The following ZDHHC14 variants were observed in gnomAD, a reference collection of about 807,000 sequenced individuals.
ZDHHC14 encodes the protein palmitoyltransferase ZDHHC14.
Under a neutral mutation model 47.7 loss-of-function variants are expected in ZDHHC14, and 16 were observed. The ratio of observed to expected loss-of-function variants is 0.34; its 90% CI spans 0.23 to 0.51. The LOEUF is 0.51. Among genes scored for constraint, ZDHHC14 ranks in the 20% least tolerant of loss-of-function variants. ZDHHC14 has a pLI of 0.97. For missense variants in ZDHHC14, 515 were observed against 662.5 expected (o/e 0.78, Z 2.44); for synonymous variants, 293 against 278.9 (o/e 1.05, Z -0.50).
intron 1 of ZDHHC14, among the ~76,000 whole-genome samples, chr6:157,459,228 A>ATT (rs1276493450): frequency 1.3e-5 from 2 of 151,916 alleles, no homozygotes; most frequent in Non-Finnish European, 2.9e-5. Flanking sequence ...TGGAAAACAA[A>ATT]TTGTTGACGT....
chr6:157,590,457 G>A (rs953351795), intron 2 of ZDHHC14, among the ~76,000 whole-genome samples: 1 of 152,192 alleles, frequency 6.6e-6, no homozygotes, highest in Non-Finnish European at 1.5e-5. Context: ...TTCAGCTCAG[G>A]CCATGGCTTC....
At chr6:157,495,542 G>A (rs1180409261) in intron 1 of ZDHHC14, among the ~76,000 whole-genome samples, 1 of 152,070 alleles carries the variant, frequency 6.6e-6, no homozygotes, top group Non-Finnish European at 1.5e-5. Context: ...CAAACCCAGA[G>A]AGGCATGAGG....
At chr6:157,423,502 G>T (rs1272767298) in intron 1 of ZDHHC14, among the ~76,000 whole-genome samples, 2 of 152,060 alleles carry the variant, frequency 1.3e-5, no homozygotes, top group Non-Finnish European at 2.9e-5. Flanking sequence ...CATAAATAAA[G>T]TTCCCCTTTT....
At chr6:157,459,885 G>C (rs2114812652) in intron 1 of ZDHHC14, among the ~76,000 whole-genome samples, 1 of 151,998 alleles carries the variant, frequency 6.6e-6, no homozygotes, top group Admixed American at 6.6e-5. Context: ...GACCAGCCTG[G>C]GCAACATAGC....
At chr6:157,489,673 C>T (rs1779866861) in intron 1 of ZDHHC14, among the ~76,000 whole-genome samples, 1 of 152,170 alleles carries the variant, frequency 6.6e-6, no homozygotes, top group African/African-American at 2.4e-5. Flanking sequence ...GGCAGATCTG[C>T]AGATGTCTGA....
rs140959461 is a variant in ZDHHC14 at position 157,500,453 on chromosome 6, C to T, written c.246-42132C>T. Among the ~76,000 whole-genome samples, 273 of 151,870 alleles carry T rather than the reference C, an allele frequency of 1.8e-3. 1 individual carries two copies. The highest frequency in any genetic ancestry group is 6.2e-3 in the African/African-American group (258 of 41,378). ...TCTAGCTGCTGTGTAGAGAGTGGGA[C>T]GTAAGGGGGCAGGAGAGGAAATGGG... On this transcript the variant is annotated intron_variant, in intron 1 of 8. Transcript: ENST00000359775.
At chr6:157,474,112 C>T (rs1779423003) in intron 1 of ZDHHC14, among the ~76,000 whole-genome samples, 1 of 152,016 alleles carries the variant, frequency 6.6e-6, no homozygotes, top group South Asian at 2.1e-4. Flanking sequence ...CTTCAGCCTC[C>T]CGAGTGGCTG....
At chr6:157,600,990 G>A (rs894188900) in intron 3 of ZDHHC14, among the ~76,000 whole-genome samples, 2 of 152,230 alleles carry the variant, frequency 1.3e-5, no homozygotes, top group African/African-American at 4.8e-5. Flanking sequence ...GTGCCGTTTC[G>A]GAGCAGGATG....
chr6:157,645,836 G>T lies in ZDHHC14; in HGVS notation c.852G>T (p.Glu284Asp). 1 of 1,613,872 alleles carries T rather than the reference G, an allele frequency of 6.2e-7. No homozygotes were observed. Among genetic ancestry groups the T allele is most frequent in the Non-Finnish European group, 8.5e-7 (1 of 1,179,852 alleles). The stretch of plus-strand genomic sequence containing the variant: ...TCAGCTCCAACCAGACAACAAATGA[G>T]GACGTAAGTTCCTGACCACACGGGA... ...YLISSNQTTN[E>D]DIKGSWSNKR... is the part of the protein sequence containing the mutation. Residue 284 changes from glutamate (E) to aspartate (D), a missense_variant, in exon 6 of 9, where the codon GAG (glutamate) becomes GAT (aspartate). Coordinates refer to ENST00000359775, the MANE Select transcript of ZDHHC14 (RefSeq NM_024630.3).
chr6:157,647,470 C>G, intron 7 of ZDHHC14, 102 bp downstream of exon 7: 1 of 752,226 alleles, frequency 1.3e-6, no homozygotes. Flanking sequence ...GTCGCCGCCA[C>G]CACGTGACCA....
Position 157,672,741 on chromosome 6 carries a change from C to T in ZDHHC14, c.1086C>T (p.Cys362=), listed in dbSNP as rs1778857385. 2 of 1,611,344 alleles carry T rather than the reference C, an allele frequency of 1.2e-6. No individual in the cohort carries two copies. Among genetic ancestry groups the T allele is most frequent in the African/African-American group, 2.7e-5 (2 of 74,688 alleles). The part of the protein sequence containing the change: ...SQSDMCDQDQ[C]IQSTKFVLQA... ...CTCTCCAGTGCGACCAAGACCAGTG[C>T]ATTCAGAGCACCAAATTCGTTTTGC... Residue 362 remains cysteine, a synonymous_variant, in exon 9 of 9, where the codon TGC becomes TGT. Coordinates refer to ENST00000359775, the MANE Select transcript of ZDHHC14 (RefSeq NM_024630.3).
chr6:157,391,007 AGT>A (rs1777409448), intron 1 of ZDHHC14, among the ~76,000 whole-genome samples: 1 of 152,230 alleles, frequency 6.6e-6, no homozygotes, highest in Non-Finnish European at 1.5e-5. Context: ...TCAGGCCACT[AGT>A]GTGTGTGAGT....
intron 1 of ZDHHC14, among the ~76,000 whole-genome samples, chr6:157,423,633 T>G (rs1435242408): frequency 6.6e-6 from 1 of 152,220 alleles, no homozygotes; most frequent in East Asian, 1.9e-4. Flanking sequence ...CTGAAGAGAC[T>G]TGAAAACATC....
At chr6:157,390,702 G>A (rs1287742772) in intron 1 of ZDHHC14, among the ~76,000 whole-genome samples, 1 of 150,848 alleles carries the variant, frequency 6.6e-6, no homozygotes, top group African/African-American at 2.4e-5. Context: ...TTTTTATTTT[G>A]AACATTTCTA....
intron 1 of ZDHHC14, among the ~76,000 whole-genome samples, chr6:157,529,993 G>C (rs1440336058): frequency 6.6e-6 from 1 of 152,130 alleles, no homozygotes; most frequent in Non-Finnish European, 1.5e-5. Flanking sequence ...CAATGTCATA[G>C]ACAATTAGCT....
intron 1 of ZDHHC14, among the ~76,000 whole-genome samples, chr6:157,525,313 AC>A (rs1334234740): frequency 3.3e-5 from 5 of 152,076 alleles, no homozygotes; most frequent in African/African-American, 1.2e-4. Flanking sequence ...GGCGTGCATC[AC>A]CATGGCCAGC....
intron 1 of ZDHHC14, among the ~76,000 whole-genome samples, chr6:157,531,404 G>T (rs1236353257): frequency 6.6e-6 from 1 of 152,036 alleles, no homozygotes; most frequent in African/African-American, 2.4e-5. Flanking sequence ...GGTCAGGGAG[G>T]GTCTGGGGCT....
At chr6:157,394,499 C>T (rs1398631517) in intron 1 of ZDHHC14, among the ~76,000 whole-genome samples, 1 of 152,200 alleles carries the variant, frequency 6.6e-6, no homozygotes, top group East Asian at 1.9e-4. Flanking sequence ...GCTCCCTGGA[C>T]ACCCCATAAT....
chr6:157,447,111 C>T (rs1174876997), intron 1 of ZDHHC14, among the ~76,000 whole-genome samples: 2 of 151,236 alleles, frequency 1.3e-5, no homozygotes, highest in African/African-American at 4.9e-5. Context: ...TGATGAGATT[C>T]CATATCAAAA....
Sources: allele counts gnomAD v4.1 joint callset (sites outside exome capture counted in the v4.1 genomes callset), GRCh38; gene constraint gnomAD v4.1.1; transcripts MANE v1.5; gene names NCBI Gene and HGNC (gene_info 2026-07-23, HGNC 2026-07-21).